The following OPCML variants were observed in gnomAD, a reference collection of about 807,000 sequenced individuals.
The protein encoded by OPCML is opioid binding protein/cell adhesion molecule like.
In OPCML, 13 loss-of-function variants were observed where a neutral mutation model predicts 37.8. The observed-to-expected ratio is 0.34, with a 90% CI of 0.22 to 0.55. OPCML has a LOEUF of 0.55. OPCML is among the 20% of genes least tolerant of loss of function. OPCML has a pLI of 0.91. For synonymous variants in OPCML, 176 were observed against 168.8 expected (o/e 1.04, Z -0.33); for missense variants, 341 against 435.6 (o/e 0.78, Z 1.93).
chr11:133,278,420 A>G lies in OPCML; in HGVS notation c.61+253844T>C, dbSNP rs1313536470. The stretch of plus-strand genomic sequence containing the variant: ...TACAGATACATGAGAATGAAAAGTA[A>G]TATCAATGAAAGGATAATTCTATAA... On this transcript the variant is annotated intron_variant, in intron 1 of 7. Transcript: ENST00000524381. Among the ~76,000 whole-genome samples the G allele has an allele frequency of 2.0e-5, 3 of 152,176 alleles. No homozygotes were observed. In the East Asian group the frequency reaches 5.8e-4, roughly 29 times the overall value.
At chr11:133,054,891 G>C (rs1452203153) in intron 1 of OPCML, among the ~76,000 whole-genome samples, 1 of 151,646 alleles carries the variant, frequency 6.6e-6, no homozygotes, top group Admixed American at 6.6e-5. Context: ...CTTCCAAGTG[G>C]TGAGACTCCA....
At chr11:132,524,377 C>T (rs1054587675) in intron 4 of OPCML, among the ~76,000 whole-genome samples, 2 of 152,128 alleles carry the variant, frequency 1.3e-5, no homozygotes, top group African/African-American at 4.8e-5. Flanking sequence ...CATCATCCTA[C>T]TTCCTGGGCC....
intron 1 of OPCML, among the ~76,000 whole-genome samples, chr11:133,463,119 C>CAAAAAAAAA (rs558107695): frequency 1.2e-4 from 6 of 49,844 alleles, no homozygotes; most frequent in Admixed American, 4.5e-4. Flanking sequence ...ACATCAGGCT[C>CAAAAAAAAA]AAAAAAAAAA....
intron 1 of OPCML, among the ~76,000 whole-genome samples, chr11:133,108,879 G>C (rs1358929488): frequency 6.6e-6 from 1 of 152,150 alleles, no homozygotes; most frequent in Non-Finnish European, 1.5e-5. Flanking sequence ...CATTCACGGA[G>C]TGCCCGCTGA....
chr11:132,678,947 G>A (rs1366907298), intron 2 of OPCML, among the ~76,000 whole-genome samples: 1 of 152,148 alleles, frequency 6.6e-6, no homozygotes, highest in Non-Finnish European at 1.5e-5. Flanking sequence ...TGGGGGTGGT[G>A]ATGATGGGGA....
intron 2 of OPCML, among the ~76,000 whole-genome samples, chr11:132,823,177 G>C (rs1051461258): frequency 6.6e-6 from 1 of 152,120 alleles, no homozygotes; most frequent in Admixed American, 6.6e-5. Flanking sequence ...ATGTTTGCTT[G>C]TTTTCTTCCC....
chr11:133,259,604 G>A lies in OPCML; in HGVS notation c.61+272660C>T, dbSNP rs1483495162. On this transcript the variant is annotated intron_variant, in intron 1 of 7. Transcript: ENST00000524381. The stretch of plus-strand genomic sequence containing the variant: ...TAAGCACAAAAGCCTCTATCTATTT[G>A]GTAAGAACAAATTAATTCCCTGAAT... Among the ~76,000 whole-genome samples, 42 of 152,144 alleles carry A rather than the reference G, an allele frequency of 2.8e-4. 1 individual carries two copies. The highest frequency in any genetic ancestry group is 1.0e-4 in the Non-Finnish European group (7 of 68,008).
At chr11:132,784,106 T>TAGCAACCTGC (rs1947123088) in intron 2 of OPCML, among the ~76,000 whole-genome samples, 1 of 152,184 alleles carries the variant, frequency 6.6e-6, no homozygotes, top group Non-Finnish European at 1.5e-5. Flanking sequence ...CTGCAACCTG[T>TAGCAACCTGC]AGCAACCTGC....
At chr11:133,491,656 C>T (rs535987334) in intron 1 of OPCML, among the ~76,000 whole-genome samples, 1 of 152,258 alleles carries the variant, frequency 6.6e-6, no homozygotes, top group East Asian at 1.9e-4. Flanking sequence ...GTGACTGAGG[C>T]AGGCTGCAGC....
chr11:132,454,249 G>A (rs139845689), intron 4 of OPCML, among the ~76,000 whole-genome samples: 3 of 152,158 alleles, frequency 2.0e-5, no homozygotes, highest in Admixed American at 6.5e-5. Context: ...TTTAGCTTTC[G>A]TTGCTAGTTT....
chr11:133,111,707 C>G (rs1949255853), intron 1 of OPCML, among the ~76,000 whole-genome samples: 1 of 152,172 alleles, frequency 6.6e-6, no homozygotes, highest in South Asian at 2.1e-4. Flanking sequence ...GCAGACTGGG[C>G]TCCCAGAAAA....
At chr11:133,012,183 G>A (rs1947231825) in intron 1 of OPCML, among the ~76,000 whole-genome samples, 1 of 152,136 alleles carries the variant, frequency 6.6e-6, no homozygotes. Context: ...TTTGAGGTTA[G>A]GGATGAAGAT....
intron 3 of OPCML, among the ~76,000 whole-genome samples, chr11:132,532,173 C>T (rs1167908653): frequency 1.3e-5 from 2 of 152,188 alleles, no homozygotes; most frequent in Admixed American, 1.3e-4. Context: ...CAGTCAATGT[C>T]ACCCATTAGG....
At chr11:132,952,445 T>C (rs899789008) in intron 1 of OPCML, among the ~76,000 whole-genome samples, 6 of 152,184 alleles carry the variant, frequency 3.9e-5, no homozygotes, top group Non-Finnish European at 8.8e-5. Context: ...AGGAAATCCA[T>C]GTGGAACCTC....
intron 1 of OPCML, among the ~76,000 whole-genome samples, chr11:133,078,283 G>A (rs895300329): frequency 6.6e-6 from 1 of 152,238 alleles, no homozygotes; most frequent in Admixed American, 6.5e-5. Context: ...GTGAAAACAC[G>A]GGAACAAGGA....
intron 2 of OPCML, among the ~76,000 whole-genome samples, chr11:132,848,060 GA>G (rs1178412913): frequency 6.6e-6 from 1 of 152,080 alleles, no homozygotes; most frequent in Admixed American, 6.5e-5. Context: ...GTATTGAGAA[GA>G]AAAATGATAT....
chr11:133,140,528 T>TAAG (rs1489312604), intron 1 of OPCML, among the ~76,000 whole-genome samples: 1,067 of 61,132 alleles, frequency 0.017, 9 homozygotes, highest in South Asian at 0.027. Flanking sequence ...ATAATAATAA[T>TAAG]AATAAGAAGA....
At chr11:132,920,291 A>T (rs2136578999) in intron 2 of OPCML, among the ~76,000 whole-genome samples, 1 of 152,354 alleles carries the variant, frequency 6.6e-6, no homozygotes. Context: ...ACTTCACAGG[A>T]CAAAACTACA....
chr11:133,044,030 T>C (rs947079107), intron 1 of OPCML, among the ~76,000 whole-genome samples: 2 of 152,218 alleles, frequency 1.3e-5, no homozygotes, highest in African/African-American at 4.8e-5. Flanking sequence ...TATGGCCAGA[T>C]CCTTAGTGTC....
Sources: gnomAD v4.1 joint callset for allele counts (sites outside exome capture counted in the v4.1 genomes callset) on GRCh38, gnomAD v4.1.1 for gene constraint, MANE v1.5 for transcripts, NCBI Gene and HGNC (gene_info 2026-07-23, HGNC 2026-07-21) for gene names.